LTBP1: variants seen among roughly 807,000 people sequenced by gnomAD.
LTBP1 encodes latent-transforming growth factor beta-binding protein 1.
Under a neutral mutation model 207.6 loss-of-function variants are expected in LTBP1, and 129 were observed. The observed-to-expected ratio is 0.62, with a 90% CI of 0.54 to 0.72. LTBP1 has a LOEUF of 0.72. LTBP1 is among the 30% of genes least tolerant of loss of function. The pLI is 0.00. For synonymous variants in LTBP1, 963 were observed against 833.7 expected (o/e 1.16, Z -2.67); for missense variants, 2,281 against 2,217.2 (o/e 1.03, Z -0.58).
intron 4 of LTBP1, among the ~76,000 whole-genome samples, chr2:33,126,540 C>T (rs974195012): frequency 6.6e-6 from 1 of 152,180 alleles, no homozygotes; most frequent in Non-Finnish European, 1.5e-5. Flanking sequence ...AATGAGGAAG[C>T]TGAAAATGGG....
chr2:33,167,118 A>C (rs2084989047), intron 5 of LTBP1, among the ~76,000 whole-genome samples: 1 of 152,178 alleles, frequency 6.6e-6, no homozygotes. Context: ...GCATTATTTA[A>C]TTAAATGTTA....
At chr2:33,388,497 C>A (rs2095286835) in intron 31 of LTBP1, among the ~76,000 whole-genome samples, 1 of 152,184 alleles carries the variant, frequency 6.6e-6, no homozygotes, top group Admixed American at 6.5e-5. Context: ...GATGGTAGAA[C>A]ATAGGATGGT....
chr2:33,333,331 T>G (rs1473734152), intron 24 of LTBP1, among the ~76,000 whole-genome samples: 1 of 152,208 alleles, frequency 6.6e-6, no homozygotes, highest in Non-Finnish European at 1.5e-5. Flanking sequence ...ATTTTTTAAG[T>G]ACAGTGTTTC....
chr2:33,222,938 AG>A (rs2091211452), intron 9 of LTBP1, among the ~76,000 whole-genome samples: 1 of 152,212 alleles, frequency 6.6e-6, no homozygotes, highest in Non-Finnish European at 1.5e-5. Flanking sequence ...TGTTGTTATT[AG>A]TAACTTGGAA....
intron 18 of LTBP1, among the ~76,000 whole-genome samples, chr2:33,277,974 T>C (rs1295287563): frequency 6.6e-6 from 1 of 151,200 alleles, no homozygotes; most frequent in Non-Finnish European, 1.5e-5. Flanking sequence ...GGACTACAGG[T>C]GACCGCCACC....
intron 24 of LTBP1, among the ~76,000 whole-genome samples, chr2:33,332,635 C>T (rs1460066951): frequency 6.6e-6 from 1 of 151,704 alleles, no homozygotes; most frequent in East Asian, 1.9e-4. Flanking sequence ...GGGCTCACTG[C>T]AAGCTCCACC....
At chr2:32,949,235 A>T (rs190499850) in intron 2 of LTBP1, among the ~76,000 whole-genome samples, 1 of 152,342 alleles carries the variant, frequency 6.6e-6, no homozygotes, top group East Asian at 1.9e-4. Context: ...CTAGGAAAAA[A>T]ATTTCCATTT....
At chr2:33,304,516 A>G (rs534617223) in intron 22 of LTBP1, among the ~76,000 whole-genome samples, 131 of 152,196 alleles carry the variant, frequency 8.6e-4, no homozygotes, top group African/African-American at 3.0e-3. Flanking sequence ...CAGACTCCCA[A>G]GTGTTGTGCC....
In LTBP1 at chr2:33,339,651, C is replaced by T. The variant is rs12474295; in HGVS notation, c.3731-3187C>T. Among the ~76,000 whole-genome samples the T allele has an allele frequency of 8.3e-5, 12 of 145,324 alleles. No individual in the cohort carries two copies. The South Asian group carries it at 8.7e-4, about 11-fold the overall frequency. ...CTGGAAATAATTTCATTGATTTGTC[C>T]TTTTTTTTTTTGAGACGGAGTTTCG... is the stretch of plus-strand genomic sequence containing the variant. On this transcript the variant is annotated intron_variant, in intron 24 of 33. Transcript: ENST00000404816.
At chr2:33,393,328 C>T (rs2095332151) in intron 32 of LTBP1, among the ~76,000 whole-genome samples, 3 of 139,738 alleles carry the variant, frequency 2.1e-5, no homozygotes, top group Non-Finnish European at 4.5e-5. Context: ...TTTTAGGGTA[C>T]ATGTGCACAA....
Position 33,307,780 on chromosome 2 carries a change from G to A in LTBP1, c.3482-1654G>A, listed in dbSNP as rs1042890815. On this transcript the variant is annotated intron_variant, in intron 22 of 33. Transcript: ENST00000404816. Reference sequence around the variant, plus strand: ...GTTTTATGTTTTAGGGTCAGTACCCGGAAGCATTTTAATTCTGGGTGAACA... The same window carrying A: ...GTTTTATGTTTTAGGGTCAGTACCCAGAAGCATTTTAATTCTGGGTGAACA... Among the ~76,000 whole-genome samples the A allele has an allele frequency of 1.4e-4, 22 of 152,296 alleles. No homozygotes were observed. In the South Asian group the frequency reaches 2.5e-3, roughly 17 times the overall value.
intron 2 of LTBP1, among the ~76,000 whole-genome samples, chr2:33,000,622 G>A (rs781050465): frequency 7.4e-6 from 1 of 135,338 alleles, no homozygotes; most frequent in Non-Finnish European, 1.6e-5. Flanking sequence ...GCAGCCCGCC[G>A]CCACTGGACT....
intron 2 of LTBP1, among the ~76,000 whole-genome samples, chr2:32,951,386 T>C (rs1677075656): frequency 6.6e-6 from 1 of 152,198 alleles, no homozygotes; most frequent in Non-Finnish European, 1.5e-5. Context: ...TCCAAAATAA[T>C]GTATCTCTGA....
intron 3 of LTBP1, among the ~76,000 whole-genome samples, chr2:33,067,701 A>G (rs996100706): frequency 6.6e-6 from 1 of 152,202 alleles, no homozygotes; most frequent in Admixed American, 6.5e-5. Context: ...ATACAAGAGG[A>G]TATGCATAGA....
At chr2:33,377,248 A>G (rs1259549070) in intron 31 of LTBP1, among the ~76,000 whole-genome samples, 1 of 152,198 alleles carries the variant, frequency 6.6e-6, no homozygotes, top group Non-Finnish European at 1.5e-5. Context: ...GTCAGCAAGT[A>G]TTTGGAACGC....
In LTBP1 at chr2:33,078,857, C is replaced by CTTTTTTTTTTTTTTTTTTTTTTTTT. The variant is rs879714056; in HGVS notation, c.864-31721_864-31720insTTTTTTTTTTTTTTTTTTTTTTTTT. Among the ~76,000 whole-genome samples the CTTTTTTTTTTTTTTTTTTTTTTTTT allele has an allele frequency of 6.5e-5, 6 of 92,162 alleles. 1 individual carries two copies. The highest frequency in any genetic ancestry group is 1.5e-4 in the Admixed American group (1 of 6,542). 60.5% of individuals were successfully genotyped at this position (92,162 alleles called of 152,430 possible). On this transcript the variant is annotated intron_variant, in intron 3 of 33. Coordinates refer to ENST00000404816, the MANE Select transcript of LTBP1 (RefSeq NM_206943.4). ...CTTCTCTTCTGTTTTCTTTTCTTTTCTTTTCTTTTTTTTTTTTTTTGAGAC... is the reference window on the plus strand; with the variant it reads ...CTTCTCTTCTGTTTTCTTTTCTTTTCTTTTTTTTTTTTTTTTTTTTTTTTTTTTTCTTTTTTTTTTTTTTTGAGAC...
chr2:33,246,112 A>G (rs946504288), intron 10 of LTBP1, among the ~76,000 whole-genome samples: 1 of 152,244 alleles, frequency 6.6e-6, no homozygotes, highest in Non-Finnish European at 1.5e-5. Context: ...GTTCAGCTAC[A>G]ACAGCTGAAC....
intron 23 of LTBP1, among the ~76,000 whole-genome samples, chr2:33,314,054 C>T (rs1375940406): frequency 6.6e-6 from 1 of 152,090 alleles, no homozygotes; most frequent in African/African-American, 2.4e-5. Context: ...AGCCCTTGAC[C>T]CTGGCCACGG....
intron 8 of LTBP1, among the ~76,000 whole-genome samples, chr2:33,218,981 G>C (rs149257107): frequency 9.0e-4 from 137 of 152,196 alleles, no homozygotes; most frequent in African/African-American, 3.1e-3. Flanking sequence ...CTGGGCATTA[G>C]TATTCCATAT....
Sources: allele counts gnomAD v4.1 joint callset (sites outside exome capture counted in the v4.1 genomes callset), GRCh38; gene constraint gnomAD v4.1.1; transcripts MANE v1.5; gene names NCBI Gene and HGNC (gene_info 2026-07-23, HGNC 2026-07-21).